The following RPAP2 variants were observed in gnomAD, a reference collection of about 807,000 sequenced individuals.
RPAP2 encodes RNA polymerase II associated protein 2.
Under a neutral mutation model 73.1 loss-of-function variants are expected in RPAP2, and 52 were observed. The ratio of observed to expected loss-of-function variants is 0.71; its 90% CI spans 0.57 to 0.90. The LOEUF (loss-of-function observed/expected upper bound fraction) is 0.90. Among genes scored for constraint, RPAP2 ranks in the 40% least tolerant of loss-of-function variants. RPAP2 has a pLI of 0.00. For synonymous variants in RPAP2, 225 were observed against 242.1 expected, an observed-to-expected ratio of 0.93 and a Z score of 0.65; for missense variants, 598 against 701.8, an observed-to-expected ratio of 0.85 and a Z score of 1.67.
At chr1:92,362,470 T>A (rs916771057) in intron 11 of RPAP2, among the ~76,000 whole-genome samples, 2 of 152,208 alleles carry the variant, frequency 1.3e-5, no homozygotes, top group Non-Finnish European at 2.9e-5. Flanking sequence ...ATTGGCTGTT[T>A]GTGTTGTCCC....
intron 7 of RPAP2, among the ~76,000 whole-genome samples, chr1:92,321,620 C>T (rs1652269919): frequency 6.6e-6 from 1 of 152,084 alleles, no homozygotes; most frequent in South Asian, 2.1e-4. Context: ...GTTGCCTTCC[C>T]TTTTTCGTAA....
At chr1:92,341,683 C>T (rs1203136070) in intron 10 of RPAP2, among the ~76,000 whole-genome samples, 1 of 152,164 alleles carries the variant, frequency 6.6e-6, no homozygotes, top group Non-Finnish European at 1.5e-5. Flanking sequence ...CTTGCTCTGT[C>T]GTCCAGGCTG....
rs71091273 is a variant in RPAP2, at chr1:92,305,432, CAAAAA to C, written c.399+1098_399+1102del. 6.8e-3 allele frequency among the ~76,000 whole-genome samples: 360 copies of C among 52,702 alleles called. 34 individuals carry two copies. The East Asian group carries it at 0.31, about 45-fold the overall frequency. The allele number at this position is 52,702 out of a possible 152,430, so 34.6% of individuals were successfully genotyped here. A position where few individuals can be genotyped will look rare whatever the true frequency, so the allele number is the denominator to read the frequency against. ...GGGGCAACAGAGTGAGGCTCCGTCT[CAAAAA>C]AAAAAAAAAAAAAAGACAATATGGG... On this transcript the variant is annotated intron_variant, in intron 5 of 12. Coordinates refer to ENST00000610020, the MANE Select transcript of RPAP2 (RefSeq NM_024813.3).
At chr1:92,384,836 A>G (rs1489130679) in intron 12 of RPAP2, among the ~76,000 whole-genome samples, 2 of 152,064 alleles carry the variant, frequency 1.3e-5, no homozygotes, top group Non-Finnish European at 2.9e-5. Context: ...TCAGTCCATG[A>G]CATCCTTTGT....
rs1260050422 is a variant in RPAP2 at position 92,323,493 on chromosome 1, A to C, written c.573A>C (p.Thr191=). 1.2e-6 allele frequency: 2 copies of C among 1,613,482 alleles called. No individual in the cohort carries two copies. The highest frequency in any genetic ancestry group is 1.1e-5 in the South Asian group (1 of 90,966). ...AGTTATGCAGTAAAGCCATTAAAAC[A>C]TCAGATATCGACAATCCTAGCCACT... The part of the protein sequence containing the change: ...EVQLCSKAIK[T]SDIDNPSHFE... The change falls in exon 8 of 13, where the codon ACA becomes ACC. Residue 191 remains threonine (T), a synonymous_variant. Transcript: ENST00000610020.
intron 11 of RPAP2, among the ~76,000 whole-genome samples, chr1:92,373,739 TAAAAAAAAAAA>T (rs59586077): frequency 2.5e-5 from 2 of 80,484 alleles, no homozygotes; most frequent in Non-Finnish European, 4.9e-5. Context: ...CTACTAAAAA[TAAAAAAAAAAA>T]AAAAAAAAAA....
At chr1:92,327,248 C>T (rs992504265) in intron 8 of RPAP2, among the ~76,000 whole-genome samples, 1 of 152,172 alleles carries the variant, frequency 6.6e-6, no homozygotes, top group Non-Finnish European at 1.5e-5. Context: ...CTAGTGCTGT[C>T]AGTGGAGTAC....
chr1:92,352,276 A>G (rs1306689292), intron 11 of RPAP2, among the ~76,000 whole-genome samples: 4 of 152,188 alleles, frequency 2.6e-5, no homozygotes, highest in East Asian at 1.9e-4. Context: ...GTCCTGGGAA[A>G]TGGTATTTAA....
Position 92,391,552 on chromosome 1 carries a change from TAGAG to T in RPAP2, c.*4543_*4546del, listed in dbSNP as rs1656041504. 6.6e-6 allele frequency: 1 copy of T among 152,018 alleles called. No homozygotes were observed. The highest frequency in any genetic ancestry group is 1.5e-5 in the Non-Finnish European group (1 of 68,000). The allele number at this position is 152,018 out of a possible 1,614,324, so 9.4% of individuals were successfully genotyped here. Reference sequence around the variant, plus strand: ...AAGATCAGAGCAGAACTGAAGGAGATAGAGACTCAACAAACCCTTCAAAAAATCA... The same window carrying T: ...AAGATCAGAGCAGAACTGAAGGAGATACTCAACAAACCCTTCAAAAAATCA... On this transcript the variant is annotated 3_prime_UTR_variant, in exon 13 of 13. Coordinates refer to ENST00000610020, the MANE Select transcript of RPAP2 (RefSeq NM_024813.3).
chr1:92,309,172 G>C (rs1158547605), intron 6 of RPAP2, among the ~76,000 whole-genome samples: 1 of 152,122 alleles, frequency 6.6e-6, no homozygotes, highest in Non-Finnish European at 1.5e-5. Context: ...TGCCGGGCGT[G>C]GTGGCTTACA....
At chr1:92,344,919 T>C (rs1249196513) in intron 10 of RPAP2, among the ~76,000 whole-genome samples, 2 of 152,210 alleles carry the variant, frequency 1.3e-5, no homozygotes, top group Non-Finnish European at 2.9e-5. Flanking sequence ...TTGGCTGATA[T>C]TTTCTTATTG....
chr1:92,393,138 G>A lies in RPAP2; in HGVS notation c.*6127G>A, dbSNP rs961972182. 2.0e-5 allele frequency: 3 copies of A among 152,166 alleles called. No individual in the cohort carries two copies. The highest frequency in any genetic ancestry group is 4.4e-5 in the Non-Finnish European group (3 of 68,038). 9.4% of individuals were successfully genotyped at this position (152,166 alleles called of 1,614,324 possible). The stretch of plus-strand genomic sequence containing the variant: ...GCACTGGTACAAAAACAGATATGCA[G>A]ACGAATGGAACAGAATGGAGGCCTC... On this transcript the variant is annotated 3_prime_UTR_variant, in exon 13 of 13. Coordinates refer to ENST00000610020, the MANE Select transcript of RPAP2 (RefSeq NM_024813.3).
chr1:92,324,027 T>G lies in RPAP2; in HGVS notation c.1107T>G (p.Val369=). 6.2e-7 allele frequency: 1 copy of G among 1,613,934 alleles called. No homozygotes were observed. The highest frequency in any genetic ancestry group is 8.5e-7 in the Non-Finnish European group (1 of 1,179,926). Residue 369 remains valine (V), a synonymous_variant, in exon 8 of 13, where the codon GTT becomes GTG. Transcript: ENST00000610020. ...PEVGKRNLLK[V]LKETLIEWKT... ...TTGGAAAGAGAAACTTACTTAAAGTTTTGAAGGAGACTTTGATTGAGTGGA... is the reference window on the plus strand; with the variant it reads ...TTGGAAAGAGAAACTTACTTAAAGTGTTGAAGGAGACTTTGATTGAGTGGA...
chr1:92,355,175 A>AT (rs924040551), intron 11 of RPAP2, among the ~76,000 whole-genome samples: 15 of 151,712 alleles, frequency 9.9e-5, no homozygotes, highest in African/African-American at 1.7e-4. Context: ...TTTATTTAAC[A>AT]TTTTTTTTAA....
rs192270280 is a variant in RPAP2, at chr1:92,303,386, T to C, written c.235-591T>C. On this transcript the variant is annotated intron_variant, in intron 3 of 12. Coordinates refer to ENST00000610020, the MANE Select transcript of RPAP2 (RefSeq NM_024813.3). ...AAAACTTGTTAAAAGATCTCAAAGT[T>C]ATGAACAAGAATCAAAATTATTTGA... is the stretch of plus-strand genomic sequence containing the variant. Among the ~76,000 whole-genome samples, 294 of 152,296 alleles carry C rather than the reference T, an allele frequency of 1.9e-3. 1 individual carries two copies. Among genetic ancestry groups the C allele is most frequent in the Non-Finnish European group, 3.4e-3 (228 of 68,004 alleles).
chr1:92,320,634 G>A lies in RPAP2; in HGVS notation c.524G>A (p.Ser175Asn). The A allele has an allele frequency of 1.2e-6, 2 of 1,606,646 alleles. No individual in the cohort carries two copies. The highest frequency in any genetic ancestry group is 2.2e-5 in the East Asian group (1 of 44,810). ...PDFQLLKEEQ[S>N]GHSGEEVQLC... ...TTTCAACTGCTAAAGGAAGAACAAA[G>A]GTATGGTTGAATCAGTATCATTTAC... The change falls in exon 7 of 13, where the codon AGT (serine) becomes AAT (asparagine). Residue 175 changes from serine to asparagine, a missense_variant and splice_region_variant. Transcript: ENST00000610020.
chr1:92,351,324 A>G (rs951316922), intron 11 of RPAP2, among the ~76,000 whole-genome samples: 32 of 150,284 alleles, frequency 2.1e-4, no homozygotes, highest in African/African-American at 6.7e-4. Context: ...AAAAAAAAAA[A>G]AAAAGAAAGG....
At chr1:92,321,097 G>T (rs1287393039) in intron 7 of RPAP2, among the ~76,000 whole-genome samples, 3 of 151,904 alleles carry the variant, frequency 2.0e-5, no homozygotes, top group Non-Finnish European at 4.4e-5. Context: ...TTGTTTGCCT[G>T]ACCATGGCCA....
rs768458600 is a variant in RPAP2 at position 92,304,109 on chromosome 1, T to C, written c.333+34T>C. ...CTCATTTTTTTTAAAATATAGGCTT[T>C]TATTATTTTCATTTAGCAAAATACT... On this transcript the variant is annotated intron_variant, in intron 4 of 12. Coordinates refer to ENST00000610020, the MANE Select transcript of RPAP2 (RefSeq NM_024813.3). 3 of 1,466,364 alleles carry C rather than the reference T, an allele frequency of 2.0e-6. No homozygotes were observed. The South Asian group carries it at 3.6e-5, about 18-fold the overall frequency. 90.8% of individuals were successfully genotyped at this position (1,466,364 alleles called of 1,614,324 possible). A position where few individuals can be genotyped will look rare whatever the true frequency, so the allele number is the denominator to read the frequency against.
Sources: allele counts gnomAD v4.1 joint callset (sites outside exome capture counted in the v4.1 genomes callset), GRCh38; gene constraint gnomAD v4.1.1; transcripts MANE v1.5; gene names NCBI Gene and HGNC (gene_info 2026-07-23, HGNC 2026-07-21).